Variants in TRAK2 observed in about 807,000 individuals in gnomAD.
TRAK2 encodes trafficking kinesin protein 2, also known as trafficking kinesin-binding protein 2.
Under a neutral mutation model 104.6 loss-of-function variants are expected in TRAK2, and 81 were observed. That is an observed-to-expected ratio of 0.77 (90% confidence interval 0.65 to 0.93). TRAK2 has a LOEUF of 0.93. Among genes scored for constraint, TRAK2 ranks in the 40% least tolerant of loss-of-function variants. The pLI, the probability that TRAK2 is intolerant of heterozygous loss-of-function variation, is 0.00. For synonymous variants in TRAK2, 406 were observed against 394.4 expected (o/e 1.03, Z -0.35); for missense variants, 1,002 against 1,089.0 (o/e 0.92, Z 1.12).
chr2:201,413,429 C>G, intron 2 of TRAK2: 1 of 442,094 alleles, frequency 2.3e-6, no homozygotes, highest in Non-Finnish European at 4.0e-6. Context: ...TCACACGTGG[C>G]AGCTGGAGGA....
intron 2 of TRAK2, chr2:201,412,026 T>C (rs1951651488): frequency 9.6e-6 from 10 of 1,044,712 alleles, no homozygotes; most frequent in Non-Finnish European, 1.5e-5. Context: ...AGCAAATCCA[T>C]TTTTTGTAGG....
Position 201,415,446 on chromosome 2 carries a change from T to C in TRAK2, c.91+4971A>G, listed in dbSNP as rs561485644. Among the ~76,000 whole-genome samples the C allele has an allele frequency of 2.6e-3, 402 of 152,234 alleles. 3 individuals are homozygous for C. The highest frequency in any genetic ancestry group is 8.8e-3 in the African/African-American group (367 of 41,518). Reference sequence around the variant, plus strand: ...GTCATGACAGAAATAACAGAATTAATAAGCAGCAATTTTTTATATCCTCTA... The same window carrying C: ...GTCATGACAGAAATAACAGAATTAACAAGCAGCAATTTTTTATATCCTCTA... On this transcript the variant is annotated intron_variant, in intron 2 of 15. Transcript: ENST00000332624.
At chr2:201,394,917 A>G (rs1951487157) in intron 8 of TRAK2, 45 bp from the exon 9 acceptor site, 1 of 1,471,074 alleles carries the variant, frequency 6.8e-7, no homozygotes, top group Non-Finnish European at 9.5e-7. Context: ...TCCAAGTAAA[A>G]TATAGCTATT....
At chr2:201,392,806 T>C in intron 10 of TRAK2, 103 bp downstream of exon 10, 1 of 1,175,722 alleles carries the variant, frequency 8.5e-7, no homozygotes, top group Non-Finnish European at 1.2e-6. Context: ...GGAAAAAATC[T>C]CTTCTCCAGA....
At chr2:201,438,171 C>A (rs1220043061) in intron 1 of TRAK2, among the ~76,000 whole-genome samples, 1 of 151,628 alleles carries the variant, frequency 6.6e-6, no homozygotes, top group Non-Finnish European at 1.5e-5. Flanking sequence ...AAAATCAAAA[C>A]ATTTTAGTGA....
Position 201,447,207 on chromosome 2 carries a change from C to A in TRAK2, c.-200+4143G>T, listed in dbSNP as rs540738013. ...ATCTTCCTTAGGATAAAGTTTAAGC[C>A]CCTTGGCATCTCATGTAAAATCTTC... On this transcript the variant is annotated intron_variant, in intron 1 of 15. Transcript: ENST00000332624. This position sits in a 1 kb window ranked among gnomAD's most constrained non-coding sequence, Gnocchi z 4.1. Among the ~76,000 whole-genome samples the A allele has an allele frequency of 6.4e-4, 97 of 152,318 alleles. No homozygotes were observed. Among genetic ancestry groups the A allele is most frequent in the African/African-American group, 2.2e-3 (93 of 41,570 alleles).
intron 4 of TRAK2, 33 bp from the exon 5 acceptor site, chr2:201,399,526 G>A: frequency 6.5e-7 from 1 of 1,538,528 alleles, no homozygotes; most frequent in Non-Finnish European, 9.0e-7. Context: ...TTTTCTTTGA[G>A]TATAAACAAG....
chr2:201,446,373 A>G (rs1951964383), intron 1 of TRAK2, among the ~76,000 whole-genome samples: 1 of 152,178 alleles, frequency 6.6e-6, no homozygotes, highest in African/African-American at 2.4e-5. Context: ...CACCAGCTCA[A>G]TGCCACTTTT....
chr2:201,412,513 A>AAT, intron 2 of TRAK2: 1 of 1,185,008 alleles, frequency 8.4e-7, no homozygotes, highest in South Asian at 1.3e-5. Context: ...ATTGCCTTCA[A>AAT]ATATATGTTT....
At chr2:201,402,673 A>C (rs918374834) in intron 3 of TRAK2, among the ~76,000 whole-genome samples, 3 of 152,184 alleles carry the variant, frequency 2.0e-5, no homozygotes, top group African/African-American at 7.2e-5. Context: ...AAATACTTAC[A>C]GTGAATGGTC....
At chr2:201,384,806 A>C (rs1951373658) in intron 14 of TRAK2, among the ~76,000 whole-genome samples, 1 of 152,194 alleles carries the variant, frequency 6.6e-6, no homozygotes, top group Non-Finnish European at 1.5e-5. Flanking sequence ...ATTATCTATT[A>C]AATTTTGGAT....
chr2:201,389,315 G>C lies in TRAK2; in HGVS notation c.1382C>G (p.Ser461Ter). 2.5e-6 allele frequency: 4 copies of C among 1,614,148 alleles called. No individual in the cohort carries two copies. Among genetic ancestry groups the C allele is most frequent in the Non-Finnish European group, 3.4e-6 (4 of 1,180,010 alleles). Reference sequence around the variant, plus strand: ...GGATTCCTACCCTGCAACCTCCTCTGAGCTGCTCCCCTGGTTCAGGAGTGA... The same window carrying C: ...GGATTCCTACCCTGCAACCTCCTCTCAGCTGCTCCCCTGGTTCAGGAGTGA... The part of the protein sequence containing the change: ...DKSLLNQGSS[S>*]EEVAGSSQKM... Residue 461 changes from serine to a stop codon, truncating the protein, a stop_gained, in exon 12 of 16, where the codon TCA becomes TGA. Transcript: ENST00000332624. LOFTEE classifies it high-confidence loss of function.
At chr2:201,449,792 G>A (rs940188894) in intron 1 of TRAK2, among the ~76,000 whole-genome samples, 25 of 152,136 alleles carry the variant, frequency 1.6e-4, no homozygotes, top group African/African-American at 5.3e-4. Flanking sequence ...CTACAGGCGC[G>A]TGCCACCACG....
intron 2 of TRAK2, among the ~76,000 whole-genome samples, chr2:201,416,204 T>C (rs1576524146): frequency 2.0e-5 from 2 of 98,600 alleles, no homozygotes; most frequent in African/African-American, 8.0e-5. Flanking sequence ...CTTGGCAACA[T>C]AGTGAAACCC....
chr2:201,410,157 C>G (rs570909321), intron 2 of TRAK2, among the ~76,000 whole-genome samples: 19 of 152,244 alleles, frequency 1.2e-4, no homozygotes, highest in Non-Finnish European at 2.2e-4. Context: ...AAAAAATTAG[C>G]TGGGCGTGGT....
chr2:201,389,675 G>T, intron 11 of TRAK2, 126 bp downstream of exon 11: 1 of 1,087,906 alleles, frequency 9.2e-7, no homozygotes, highest in Non-Finnish European at 1.3e-6. Flanking sequence ...AAAGGACACT[G>T]TGAGGAAAAC....
At chr2:201,395,515 A>G (rs972505999) in intron 7 of TRAK2, 71 bp from the exon 8 acceptor site, 88 of 1,412,164 alleles carry the variant, frequency 6.2e-5, no homozygotes, top group Non-Finnish European at 6.7e-5. Flanking sequence ...ATGACTTGTG[A>G]GCTAAATCTT....
Position 201,447,371 on chromosome 2 carries a change from T to C in TRAK2, c.-200+3979A>G, listed in dbSNP as rs1476512941. 2.0e-5 allele frequency among the ~76,000 whole-genome samples: 3 copies of C among 152,234 alleles called. No homozygotes were observed. The highest frequency in any genetic ancestry group is 4.4e-5 in the Non-Finnish European group (3 of 68,042). ...TCACCTAACCACAGCTTAAAGCCTT[T>C]TTGTATGTCATTCCTTTTGCCTAGA... On this transcript the variant is annotated intron_variant, in intron 1 of 15. Coordinates refer to ENST00000332624, the MANE Select transcript of TRAK2 (RefSeq NM_015049.3). This position sits in a 1 kb window ranked among gnomAD's most constrained non-coding sequence, Gnocchi z 4.1.
intron 2 of TRAK2, chr2:201,413,237 C>T (rs1463282301): frequency 7.2e-7 from 1 of 1,384,480 alleles, no homozygotes; most frequent in Non-Finnish European, 1.0e-6. Context: ...CAGGATTTCT[C>T]ATTACAGCAC....
Sources: allele counts gnomAD v4.1 joint callset (sites outside exome capture counted in the v4.1 genomes callset), GRCh38; gene constraint gnomAD v4.1.1; non-coding constraint Gnocchi (gnomAD v3.1); transcripts MANE v1.5; gene names NCBI Gene and HGNC (gene_info 2026-07-23, HGNC 2026-07-21).